The following ZNF33A variants were observed in gnomAD, a reference collection of about 807,000 sequenced individuals.
ZNF33A encodes brain my041 protein.
Under a neutral mutation model 15.9 loss-of-function variants are expected in ZNF33A, and 9 were observed. That is an observed-to-expected ratio of 0.57 (90% CI 0.34 to 0.99). The LOEUF (loss-of-function observed/expected upper bound fraction) is 0.99, where lower values mean the gene tolerates loss of function less well. Ranked by LOEUF, ZNF33A falls within the 50% of genes least tolerant of loss-of-function variation. ZNF33A has a pLI of 0.02. For synonymous variants in ZNF33A, 294 were observed against 324.2 expected (o/e 0.91, Z 1.00); for missense variants, 843 against 941.6 (o/e 0.90, Z 1.37).
intron 4 of ZNF33A, among the ~76,000 whole-genome samples, chr10:38,034,415 C>A (rs2135652300): frequency 6.6e-6 from 1 of 152,166 alleles, no homozygotes. Flanking sequence ...ATATAAATTC[C>A]ATTTATTGGG....
chr10:38,039,226 G>GT (rs2065587771), intron 4 of ZNF33A, among the ~76,000 whole-genome samples: 1 of 150,688 alleles, frequency 6.6e-6, no homozygotes, highest in Non-Finnish European at 1.5e-5. Flanking sequence ...TTTCTTGTCT[G>GT]TTTTTTGTCT....
chr10:38,024,197 T>G (rs1363831163), intron 4 of ZNF33A, among the ~76,000 whole-genome samples: 1 of 130,832 alleles, frequency 7.6e-6, no homozygotes, highest in African/African-American at 3.0e-5. Flanking sequence ...AATGTAAACC[T>G]CCCAGAAAGA....
At chr10:38,052,875 A>G (rs1590691953) in intron 4 of ZNF33A, among the ~76,000 whole-genome samples, 1 of 151,960 alleles carries the variant, frequency 6.6e-6, no homozygotes, top group East Asian at 1.9e-4. Flanking sequence ...GAATATGTGG[A>G]TCAGGTCTTT....
At chr10:38,062,440 A>G (rs914654400), downstream of ZNF33A, among the ~76,000 whole-genome samples, 6 of 152,234 alleles carry the variant, frequency 3.9e-5, no homozygotes, top group Admixed American at 3.9e-4. Context: ...ATTGAAAAAA[A>G]TCAAACTCAA....
chr10:38,032,838 C>T (rs71491228), intron 4 of ZNF33A, among the ~76,000 whole-genome samples: 1 of 151,952 alleles, frequency 6.6e-6, no homozygotes, highest in African/African-American at 2.4e-5. Context: ...ACTTCACCTC[C>T]CAGGTTCAAG....
At chr10:38,043,635 C>T (rs2065814721) in intron 4 of ZNF33A, among the ~76,000 whole-genome samples, 1 of 151,638 alleles carries the variant, frequency 6.6e-6, no homozygotes, top group South Asian at 2.1e-4. Flanking sequence ...TGGTGAAGAT[C>T]AAAGAAATAA....
At chr10:38,027,525 CTT>C (rs760444504) in intron 4 of ZNF33A, among the ~76,000 whole-genome samples, 15 of 142,622 alleles carry the variant, frequency 1.1e-4, no homozygotes, top group Non-Finnish European at 7.7e-5. Context: ...GCCCAGCTAT[CTT>C]TTTTTTTTTT....
At chr10:38,062,862 G>A (rs1021849533), downstream of ZNF33A, among the ~76,000 whole-genome samples, 1 of 151,856 alleles carries the variant, frequency 6.6e-6, no homozygotes, top group African/African-American at 2.4e-5. Flanking sequence ...AGTTAGCTGG[G>A]TGTGGTGGCA....
Position 38,056,849 on chromosome 10 carries a change from G to C in ZNF33A, c.*289G>C, listed in dbSNP as rs1312880642. The C allele has an allele frequency of 2.8e-6, 3 of 1,089,086 alleles. No individual in the cohort carries two copies. Among genetic ancestry groups the C allele is most frequent in the South Asian group, 4.1e-5 (1 of 24,270 alleles). 67.5% of individuals were successfully genotyped at this position (1,089,086 alleles called of 1,614,324 possible). Reference sequence around the variant, plus strand: ...ATACGACAAGTTATGTTTTGAGTTTGATGCCATAATAGTTTTTAGGGCACC... The same window carrying C: ...ATACGACAAGTTATGTTTTGAGTTTCATGCCATAATAGTTTTTAGGGCACC... On this transcript the variant is annotated 3_prime_UTR_variant, in exon 5 of 5. Coordinates refer to ENST00000432900, the MANE Select transcript of ZNF33A (RefSeq NM_006954.2).
chr10:38,033,202 A>G, intron 4 of ZNF33A, among the ~76,000 whole-genome samples: 1 of 152,136 alleles, frequency 6.6e-6, no homozygotes. Context: ...ATAAAAATGG[A>G]ACTGTGTGTG....
chr10:38,010,599 T>C (rs2064119238), upstream of ZNF33A: 1 of 1,086,124 alleles, frequency 9.2e-7, no homozygotes, highest in Non-Finnish European at 1.4e-6. Context: ...GGAAAGGTAG[T>C]TTCCAGGTAG....
At chr10:38,036,687 A>G (rs1282448971) in intron 4 of ZNF33A, among the ~76,000 whole-genome samples, 3 of 152,186 alleles carry the variant, frequency 2.0e-5, no homozygotes, top group African/African-American at 7.2e-5. Flanking sequence ...ATAAGGAAAC[A>G]AGATGTCCTG....
intron 4 of ZNF33A, among the ~76,000 whole-genome samples, chr10:38,040,023 C>G (rs12245586): frequency 1.3e-5 from 2 of 151,816 alleles, no homozygotes; most frequent in African/African-American, 4.8e-5. Context: ...CTAAGGATTG[C>G]TTTATCTGTG....
In ZNF33A at chr10:38,056,625, C is replaced by T. The variant is rs1352719694; in HGVS notation, c.*65C>T. Reference sequence around the variant, plus strand: ...TAGGGGATAAACCCATAGACTACAACAATTATAGGACAGCTTTTGTTAGGA... The same window carrying T: ...TAGGGGATAAACCCATAGACTACAATAATTATAGGACAGCTTTTGTTAGGA... On this transcript the variant is annotated 3_prime_UTR_variant, in exon 5 of 5. Transcript: ENST00000432900. The T allele has an allele frequency of 6.7e-7, 1 of 1,496,338 alleles. No homozygotes were observed. The highest frequency in any genetic ancestry group is 8.9e-7 in the Non-Finnish European group (1 of 1,129,368). The allele number at this position is 1,496,338 out of a possible 1,614,324, so 92.7% of individuals were successfully genotyped here.
intron 4 of ZNF33A, among the ~76,000 whole-genome samples, chr10:38,020,396 A>C (rs1359777073): frequency 1.3e-5 from 2 of 152,172 alleles, no homozygotes; most frequent in East Asian, 3.8e-4. Flanking sequence ...ATGTACAATT[A>C]AATTTGACTA....
At chr10:38,013,080 T>A (rs576736733) in intron 2 of ZNF33A, among the ~76,000 whole-genome samples, 1 of 152,288 alleles carries the variant, frequency 6.6e-6, no homozygotes, top group East Asian at 1.9e-4. Context: ...GGATGTAGTG[T>A]TTGATCAGTA....
chr10:38,020,439 C>T (rs2064683317), intron 4 of ZNF33A, among the ~76,000 whole-genome samples: 1 of 152,016 alleles, frequency 6.6e-6, no homozygotes, highest in Non-Finnish European at 1.5e-5. Context: ...AATATTAGGT[C>T]TTATTCATTC....
chr10:38,010,711 G>A lies in ZNF33A; in HGVS notation c.-117G>A. On this transcript the variant is annotated 5_prime_UTR_variant, in exon 1 of 5. The change creates a new upstream start codon in the 5' untranslated region. Transcript: ENST00000432900. ...TCCTTTTGTTTTTCTCAGGTTTTGCGTGGGAGGCGGTCCCGGGATTTCAAG... is the reference window on the plus strand; with the variant it reads ...TCCTTTTGTTTTTCTCAGGTTTTGCATGGGAGGCGGTCCCGGGATTTCAAG... 5 of 1,598,350 alleles carry A rather than the reference G, an allele frequency of 3.1e-6. No individual in the cohort carries two copies. The Middle Eastern group carries it at 6.6e-4, about 211-fold the overall frequency.
chr10:38,015,993 G>A, intron 2 of ZNF33A: 1 of 1,231,538 alleles, frequency 8.1e-7, no homozygotes, highest in Non-Finnish European at 1.0e-6. Flanking sequence ...ATGTGCCCTA[G>A]AGGATATCCA....
Sources: allele counts gnomAD v4.1 joint callset (sites outside exome capture counted in the v4.1 genomes callset), GRCh38; gene constraint gnomAD v4.1.1; transcripts MANE v1.5; gene names NCBI Gene and HGNC (gene_info 2026-07-23, HGNC 2026-07-21).